EIF2B3: variants seen among roughly 807,000 people sequenced by gnomAD.
EIF2B3 encodes the protein eukaryotic translation initiation factor 2B subunit gamma.
Under a neutral mutation model 54.1 loss-of-function variants are expected in EIF2B3, and 20 were observed. The ratio of observed to expected loss-of-function variants is 0.37; its 90% CI spans 0.26 to 0.54. The LOEUF (loss-of-function observed/expected upper bound fraction) is 0.54. EIF2B3 is among the 20% of genes least tolerant of loss of function. The pLI is 0.86. For synonymous variants in EIF2B3, 153 were observed against 188.1 expected (o/e 0.81, Z 1.52); for missense variants, 448 against 547.8 (o/e 0.82, Z 1.82).
At chr1:44,934,461 TTTTTA>T (rs1361610527) in intron 4 of EIF2B3, among the ~76,000 whole-genome samples, 3 of 152,024 alleles carry the variant, frequency 2.0e-5, no homozygotes, top group Admixed American at 6.5e-5. Flanking sequence ...AGTCACTTTA[TTTTTA>T]TTTTGTTTTT....
intron 6 of EIF2B3, among the ~76,000 whole-genome samples, chr1:44,885,790 A>G (rs1655559284): frequency 6.6e-6 from 1 of 152,104 alleles, no homozygotes; most frequent in Admixed American, 6.6e-5. Context: ...CTTGGAGTGC[A>G]ATGGCACGAT....
chr1:44,943,152 C>T (rs74795792), intron 3 of EIF2B3, among the ~76,000 whole-genome samples: 22,573 of 150,318 alleles, frequency 0.15, 1,811 homozygotes, highest in Non-Finnish European at 0.17. Flanking sequence ...CCACCACGCC[C>T]GGCCTTATTT....
chr1:44,896,378 G>C (rs893991123), intron 6 of EIF2B3, among the ~76,000 whole-genome samples: 1 of 152,170 alleles, frequency 6.6e-6, no homozygotes, highest in African/African-American at 2.4e-5. Flanking sequence ...TGTTGTGGGG[G>C]GGTGACAGGT....
At chr1:44,945,275 C>T (rs1006015727) in intron 3 of EIF2B3, among the ~76,000 whole-genome samples, 10 of 151,560 alleles carry the variant, frequency 6.6e-5, no homozygotes, top group African/African-American at 2.4e-4. Flanking sequence ...AAAGTTCCCA[C>T]TGGGCGCGGT....
intron 3 of EIF2B3, chr1:44,958,838 C>A: frequency 1.0e-6 from 1 of 973,216 alleles, no homozygotes; most frequent in Non-Finnish European, 1.7e-6. Flanking sequence ...GAGCAGTGGG[C>A]TTCTGGACAT....
intron 10 of EIF2B3, among the ~76,000 whole-genome samples, chr1:44,862,590 A>G (rs1165319134): frequency 6.6e-6 from 1 of 152,142 alleles, no homozygotes; most frequent in East Asian, 1.9e-4. Context: ...AATGTCTAAT[A>G]CATCTCAGTC....
intron 3 of EIF2B3, among the ~76,000 whole-genome samples, chr1:44,967,480 C>T (rs989528961): frequency 9.9e-5 from 15 of 151,008 alleles, no homozygotes; most frequent in Non-Finnish European, 2.1e-4. Context: ...GTGGCTCATG[C>T]CTGTAATCCC....
chr1:44,918,865 C>T (rs1477196757), intron 5 of EIF2B3, among the ~76,000 whole-genome samples: 1 of 152,302 alleles, frequency 6.6e-6, no homozygotes, highest in Middle Eastern at 3.4e-3. Flanking sequence ...TTTTGGTCAG[C>T]TCAATAATCA....
intron 10 of EIF2B3, among the ~76,000 whole-genome samples, chr1:44,869,172 C>G (rs1327862636): frequency 6.6e-6 from 1 of 152,074 alleles, no homozygotes; most frequent in Non-Finnish European, 1.5e-5. Context: ...AAAATAGCAA[C>G]TAACTATCCT....
At chr1:44,873,276 C>A (rs1045005600) in intron 10 of EIF2B3, among the ~76,000 whole-genome samples, 1 of 152,184 alleles carries the variant, frequency 6.6e-6, no homozygotes, top group African/African-American at 2.4e-5. Flanking sequence ...CCTCATTTCC[C>A]TCTTCCCAGA....
At chr1:44,863,824 C>T (rs1228376897) in intron 10 of EIF2B3, among the ~76,000 whole-genome samples, 1 of 152,198 alleles carries the variant, frequency 6.6e-6, no homozygotes, top group African/African-American at 2.4e-5. Flanking sequence ...AACTTGCTTT[C>T]CCCTCTTCAA....
chr1:44,913,950 C>T (rs1268292247), intron 5 of EIF2B3, among the ~76,000 whole-genome samples: 1 of 150,702 alleles, frequency 6.6e-6, no homozygotes, highest in Non-Finnish European at 1.5e-5. Context: ...CCTCAGCCTC[C>T]CAAGTAGCTG....
intron 3 of EIF2B3, among the ~76,000 whole-genome samples, chr1:44,975,110 T>G (rs149211516): frequency 1.5e-3 from 224 of 152,024 alleles, no homozygotes; most frequent in Non-Finnish European, 2.4e-3. Context: ...CCCATCTACT[T>G]GAGAGGCTGA....
chr1:44,984,797 CTTT>C lies in EIF2B3; in HGVS notation c.-10+1693_-10+1695del, dbSNP rs71040529. On this transcript the variant is annotated intron_variant, in intron 1 of 11. Transcript: ENST00000360403. ...GTAAAGCAGACAAAATAATGTCCAT[CTTT>C]TTTTTTTTTTTTTTTTTGAGACGGA... Among the ~76,000 whole-genome samples, 108 of 88,536 alleles carry C rather than the reference CTTT, an allele frequency of 1.2e-3. 5 individuals are homozygous for C. The highest frequency in any genetic ancestry group is 3.1e-3 in the South Asian group (7 of 2,246). The allele number at this position is 88,536 out of a possible 152,430, so 58.1% of individuals were successfully genotyped here. A position where few individuals can be genotyped will look rare whatever the true frequency, so the allele number is the denominator to read the frequency against.
At chr1:44,968,924 A>G (rs948924955) in intron 3 of EIF2B3, among the ~76,000 whole-genome samples, 2 of 152,094 alleles carry the variant, frequency 1.3e-5, no homozygotes, top group Non-Finnish European at 2.9e-5. Context: ...TACATTTAAT[A>G]TACTCAAGGA....
At chr1:44,938,302 C>T (rs1643979619) in intron 4 of EIF2B3, among the ~76,000 whole-genome samples, 2 of 152,024 alleles carry the variant, frequency 1.3e-5, no homozygotes, top group African/African-American at 2.4e-5. Flanking sequence ...TGAATCTTAG[C>T]CTTCAAATGT....
chr1:44,946,627 CTT>C (rs35199520), intron 3 of EIF2B3, among the ~76,000 whole-genome samples: 8 of 131,830 alleles, frequency 6.1e-5, no homozygotes, highest in Admixed American at 8.1e-5. Flanking sequence ...TCTTCTTCTT[CTT>C]TTTTTTTTTT....
intron 10 of EIF2B3, among the ~76,000 whole-genome samples, chr1:44,866,547 T>C (rs1024407188): frequency 1.3e-5 from 2 of 152,012 alleles, no homozygotes; most frequent in Non-Finnish European, 2.9e-5. Flanking sequence ...AAATAGTTTA[T>C]GGCTATGACA....
intron 3 of EIF2B3, among the ~76,000 whole-genome samples, chr1:44,963,552 G>A (rs1644307361): frequency 3.3e-5 from 5 of 152,160 alleles, no homozygotes; most frequent in Admixed American, 3.3e-4. Flanking sequence ...TTACAGGCAT[G>A]AGCCACTGTG....
Sources: allele counts gnomAD v4.1 joint callset (sites outside exome capture counted in the v4.1 genomes callset), GRCh38; gene constraint gnomAD v4.1.1; transcripts MANE v1.5; gene names NCBI Gene and HGNC (gene_info 2026-07-23, HGNC 2026-07-21).